Variants in CLNK observed in about 807,000 individuals in gnomAD.
CLNK encodes the protein cytokine dependent hematopoietic cell linker, also known as cytokine-dependent hematopoietic cell linker.
Under a neutral mutation model 68.6 loss-of-function variants are expected in CLNK, and 74 were observed. That is an observed-to-expected ratio of 1.08 (90% confidence interval 0.89 to 1.31). The LOEUF is 1.31. CLNK is among the 50% of genes most tolerant of loss of function. The probability of loss-of-function intolerance (pLI) is 0.00; values close to 1 mark genes in which losing one functional copy is unlikely to be tolerated. For synonymous variants in CLNK, 198 were observed against 172.2 expected, an observed-to-expected ratio of 1.15 and a Z score of -1.17; for missense variants, 553 against 515.3, an observed-to-expected ratio of 1.07 and a Z score of -0.71.
chr4:10,497,338 T>C (rs1001404724), intron 18 of CLNK, among the ~76,000 whole-genome samples: 1 of 152,212 alleles, frequency 6.6e-6, no homozygotes, highest in African/African-American at 2.4e-5. Context: ...TATATATATT[T>C]ATATTATTAG....
chr4:10,657,453 T>G (rs1392595192), intron 2 of CLNK, among the ~76,000 whole-genome samples: 1 of 152,202 alleles, frequency 6.6e-6, no homozygotes, highest in Non-Finnish European at 1.5e-5. Flanking sequence ...TTATAAGTAT[T>G]CCTTTGTATC....
chr4:10,698,747 A>G, the CLNK span, among the ~76,000 whole-genome samples: 10 of 152,320 alleles, frequency 6.6e-5, no homozygotes, highest in Non-Finnish European at 7.4e-5. Context: ...TGACTGGGCC[A>G]TGAGGTGCCC....
chr4:10,725,832 C>T, the CLNK span, among the ~76,000 whole-genome samples: 14 of 148,658 alleles, frequency 9.4e-5, no homozygotes, highest in South Asian at 4.3e-4. Context: ...CCAGCCTGGG[C>T]GACAGAGGGA....
At chr4:10,548,341 C>T (rs1417865623) in intron 8 of CLNK, among the ~76,000 whole-genome samples, 1 of 152,116 alleles carries the variant, frequency 6.6e-6, no homozygotes, top group Non-Finnish European at 1.5e-5. Context: ...GGACATCTTC[C>T]AATAAGGTCA....
chr4:10,577,949 G>C (rs549089162), intron 4 of CLNK, among the ~76,000 whole-genome samples: 1 of 152,146 alleles, frequency 6.6e-6, no homozygotes, highest in East Asian at 1.9e-4. Flanking sequence ...GAGCTGAGTC[G>C]AGAAGTTTTA....
At chr4:10,562,446 AC>A (rs1719934139) in intron 7 of CLNK, among the ~76,000 whole-genome samples, 2 of 151,164 alleles carry the variant, frequency 1.3e-5, no homozygotes, top group Admixed American at 6.6e-5. Flanking sequence ...TCGCTTGGTC[AC>A]CAGGCTGGAG....
intron 1 of CLNK, among the ~76,000 whole-genome samples, chr4:10,682,264 A>T (rs1164075442): frequency 6.6e-6 from 1 of 152,040 alleles, no homozygotes; most frequent in Non-Finnish European, 1.5e-5. Flanking sequence ...AAATTCAGGT[A>T]TTTATCTCTC....
At position 10,536,038 on chromosome 4, in the gene CLNK, C is replaced by G. The variant is rs1484522890; in HGVS notation, c.603-3755G>C. Among the ~76,000 whole-genome samples, 4 of 152,114 alleles carry G rather than the reference C, an allele frequency of 2.6e-5. No homozygotes were observed. The East Asian group carries it at 5.8e-4, about 22-fold the overall frequency. The stretch of plus-strand genomic sequence containing the variant: ...TCAATTCAGTAATTGTTTCGTGAAA[C>G]CAAGGCTTAGCTTTAAAAAAGAGAA... On this transcript the variant is annotated intron_variant, in intron 11 of 18. Transcript: ENST00000226951.
chr4:10,562,966 T>C (rs1366264436), intron 7 of CLNK, among the ~76,000 whole-genome samples: 6 of 152,234 alleles, frequency 3.9e-5, no homozygotes, highest in Non-Finnish European at 8.8e-5. Flanking sequence ...ACCGATGACA[T>C]AGTTCTTGAA....
intron 8 of CLNK, among the ~76,000 whole-genome samples, chr4:10,555,634 G>A (rs751084188): frequency 2.6e-5 from 4 of 152,146 alleles, no homozygotes; most frequent in Non-Finnish European, 5.9e-5. Flanking sequence ...GACATAAAAT[G>A]TACATTAACA....
At chr4:10,732,193 T>C in the CLNK span, among the ~76,000 whole-genome samples, 1 of 152,254 alleles carries the variant, frequency 6.6e-6, no homozygotes, top group African/African-American at 2.4e-5. Flanking sequence ...TGTAATTTCA[T>C]TTTTAATAAT....
chr4:10,695,683 T>C, the CLNK span, among the ~76,000 whole-genome samples: 1 of 152,172 alleles, frequency 6.6e-6, no homozygotes, highest in South Asian at 2.1e-4. Flanking sequence ...CACAGCCTGG[T>C]CAAGGTCAGC....
the CLNK span, among the ~76,000 whole-genome samples, chr4:10,730,116 T>C: frequency 2.7e-4 from 41 of 152,234 alleles, no homozygotes; most frequent in East Asian, 7.7e-3. Flanking sequence ...TGTGGGGCCC[T>C]AGTCACGCCA....
intron 2 of CLNK, among the ~76,000 whole-genome samples, chr4:10,633,311 C>A (rs1446071054): frequency 2.6e-5 from 4 of 152,174 alleles, no homozygotes; most frequent in African/African-American, 9.6e-5. Flanking sequence ...AGAGAATGTG[C>A]ATTCTCTCAA....
intron 1 of CLNK, among the ~76,000 whole-genome samples, chr4:10,679,423 AC>A (rs1198201445): frequency 1.3e-5 from 2 of 152,174 alleles, no homozygotes; most frequent in African/African-American, 4.8e-5. Flanking sequence ...CTAGAAGAAA[AC>A]CTAGGCAATA....
intron 8 of CLNK, among the ~76,000 whole-genome samples, chr4:10,555,797 A>C (rs1292531619): frequency 2.0e-5 from 3 of 152,196 alleles, no homozygotes; most frequent in Admixed American, 2.0e-4. Flanking sequence ...TTTGTAATAA[A>C]CACATAAATC....
chr4:10,673,479 T>G (rs1054162861), intron 1 of CLNK, among the ~76,000 whole-genome samples: 7 of 152,278 alleles, frequency 4.6e-5, no homozygotes, highest in Admixed American at 2.6e-4. Flanking sequence ...CATGGAATAC[T>G]ATGCAGCCAT....
At chr4:10,733,286 T>G in the CLNK span, among the ~76,000 whole-genome samples, 1 of 152,006 alleles carries the variant, frequency 6.6e-6, no homozygotes, top group Non-Finnish European at 1.5e-5. Context: ...ACCAAACTCT[T>G]CAAGTCACCA....
chr4:10,681,840 C>CATGAAATG (rs1725104101), intron 1 of CLNK, among the ~76,000 whole-genome samples: 3 of 152,124 alleles, frequency 2.0e-5, no homozygotes, highest in Non-Finnish European at 4.4e-5. Flanking sequence ...CTATTCATTG[C>CATGAAATG]ATGAAATGGA....
Sources: gnomAD v4.1 joint callset for allele counts (sites outside exome capture counted in the v4.1 genomes callset) on GRCh38, gnomAD v4.1.1 for gene constraint, MANE v1.5 for transcripts, NCBI Gene and HGNC (gene_info 2026-07-23, HGNC 2026-07-21) for gene names.